The following PRDM10 variants were observed in gnomAD, a reference collection of about 807,000 sequenced individuals.
The protein encoded by PRDM10 is PR domain zinc finger protein 10.
In PRDM10, 65 loss-of-function variants were observed where a neutral mutation model predicts 133.1. The ratio of observed to expected loss-of-function variants is 0.49; its 90% CI spans 0.40 to 0.60. The LOEUF (loss-of-function observed/expected upper bound fraction) is 0.60. Ranked by LOEUF, PRDM10 falls within the 20% of genes least tolerant of loss-of-function variation. The pLI is 0.00. For synonymous variants in PRDM10, 582 were observed against 580.4 expected, an observed-to-expected ratio of 1.00 and a Z score of -0.04; for missense variants, 1,137 against 1,507.1, an observed-to-expected ratio of 0.75 and a Z score of 4.07.
At chr11:129,942,670 T>C (rs1369108533) in intron 6 of PRDM10, 41 bp from the exon 7 acceptor site, 17 of 1,509,378 alleles carry the variant, frequency 1.1e-5, no homozygotes, top group Non-Finnish European at 1.4e-5. Flanking sequence ...AAACAAAACC[T>C]TCAATATGAG....
intron 1 of PRDM10, among the ~76,000 whole-genome samples, chr11:129,977,156 CCAG>C (rs1432190567): frequency 1.3e-5 from 2 of 151,942 alleles, no homozygotes; most frequent in African/African-American, 4.8e-5. Context: ...CTGAGTCCCT[CCAG>C]CAGACAGAGC....
intron 17 of PRDM10, among the ~76,000 whole-genome samples, chr11:129,913,504 C>A (rs1168118771): frequency 2.0e-5 from 3 of 152,112 alleles, no homozygotes; most frequent in Admixed American, 6.6e-5. Flanking sequence ...AATGATCTAC[C>A]CTTTATCAAT....
At chr11:129,988,068 T>C (rs1407541275) in intron 1 of PRDM10, among the ~76,000 whole-genome samples, 1 of 152,178 alleles carries the variant, frequency 6.6e-6, no homozygotes, top group Non-Finnish European at 1.5e-5. Flanking sequence ...GAAAACATTA[T>C]GCTAAGTGAA....
chr11:129,928,291 A>G (rs1275979914), intron 11 of PRDM10, among the ~76,000 whole-genome samples: 2 of 152,104 alleles, frequency 1.3e-5, no homozygotes, highest in East Asian at 1.9e-4. Context: ...CTAAAGTTTG[A>G]TATTAATGGC....
In PRDM10 at chr11:129,947,099, C is replaced by A. The variant is rs755580089; in HGVS notation, c.520+46G>T. The A allele has an allele frequency of 6.2e-7, 1 of 1,602,596 alleles. No individual in the cohort carries two copies. Among genetic ancestry groups the A allele is most frequent in the South Asian group, 1.1e-5 (1 of 89,158 alleles). ...ACACACGCACACGTACACAGACACA[C>A]AAGATGGACACAGCTTCCCTGGGGG... On this transcript the variant is annotated intron_variant, in intron 5 of 20. Coordinates refer to ENST00000360871, the MANE Select transcript of PRDM10 (RefSeq NM_199437.2). This position sits in a 1 kb window ranked among gnomAD's most constrained non-coding sequence, Gnocchi z 4.6.
intron 1 of PRDM10, among the ~76,000 whole-genome samples, chr11:129,994,196 T>A (rs1353861970): frequency 7.4e-6 from 1 of 134,370 alleles, no homozygotes; most frequent in African/African-American, 3.1e-5. Context: ...TGGGGCTGGG[T>A]GCAGTGGCTC....
chr11:129,910,862 C>T (rs1180053446), intron 18 of PRDM10, among the ~76,000 whole-genome samples: 3 of 151,364 alleles, frequency 2.0e-5, no homozygotes, highest in South Asian at 2.1e-4. Context: ...CCGCAACCTC[C>T]GCCTCCTGAG....
At position 129,918,288 on chromosome 11, in the gene PRDM10, A is replaced by T. The variant is rs1011771926; in HGVS notation, c.2214+251T>A. ...ACAAAAGTAGTAATGAAAAGTGATT[A>T]AAAAAAAAAAAAGAAAAAGAAAAAG... On this transcript the variant is annotated intron_variant, in intron 14 of 20. Transcript: ENST00000360871. This position sits in a 1 kb window ranked among gnomAD's most constrained non-coding sequence, Gnocchi z 5.3. Among the ~76,000 whole-genome samples, 13 of 132,300 alleles carry T rather than the reference A, an allele frequency of 9.8e-5. No individual in the cohort carries two copies. Among genetic ancestry groups the T allele is most frequent in the African/African-American group, 3.1e-4 (11 of 35,622 alleles). 86.8% of individuals were successfully genotyped at this position (132,300 alleles called of 152,430 possible).
intron 18 of PRDM10, among the ~76,000 whole-genome samples, chr11:129,911,428 T>A (rs1591576821): frequency 6.6e-6 from 1 of 152,226 alleles, no homozygotes; most frequent in Admixed American, 6.5e-5. Context: ...GATAACAGGA[T>A]GAGGCCAGCG....
intron 2 of PRDM10, 33 bp downstream of exon 2, chr11:129,960,863 C>G: frequency 6.2e-7 from 1 of 1,612,646 alleles, no homozygotes; most frequent in Non-Finnish European, 8.5e-7. Context: ...CTGAAAACCT[C>G]TCAATACCAA....
intron 1 of PRDM10, among the ~76,000 whole-genome samples, chr11:129,965,884 C>T (rs1457079542): frequency 6.6e-6 from 1 of 152,132 alleles, no homozygotes; most frequent in Non-Finnish European, 1.5e-5. Context: ...GCTCCCAAAT[C>T]TTCCATGTAC....
At position 129,923,081 on chromosome 11, in the gene PRDM10, T is replaced by G. The variant is rs1950562688; in HGVS notation, c.2034+167A>C. Among the ~76,000 whole-genome samples the G allele has an allele frequency of 6.6e-6, 1 of 152,204 alleles. No homozygotes were observed. The highest frequency in any genetic ancestry group is 2.4e-5 in the African/African-American group (1 of 41,458). On this transcript the variant is annotated intron_variant, in intron 13 of 20. Transcript: ENST00000360871. This position sits in a 1 kb window ranked among gnomAD's most constrained non-coding sequence, Gnocchi z 4.4. ...CTATTTTGAGGAAATGAGTAAGTTT[T>G]CCCCCTTAATTTTATAACTAAGTCA...
chr11:129,940,809 T>G (rs900832819), intron 7 of PRDM10, among the ~76,000 whole-genome samples: 7 of 152,376 alleles, frequency 4.6e-5, no homozygotes, highest in African/African-American at 1.7e-4. Context: ...TTTTGAAAGT[T>G]GAACCTTTTA....
At chr11:129,948,852 C>A (rs77507819) in intron 4 of PRDM10, among the ~76,000 whole-genome samples, 1 of 152,252 alleles carries the variant, frequency 6.6e-6, no homozygotes, top group Non-Finnish European at 1.5e-5. Context: ...ACGTTGGCCA[C>A]GTTGCTCTAC....
At chr11:129,972,378 A>G (rs1591679171) in intron 1 of PRDM10, among the ~76,000 whole-genome samples, 1 of 152,234 alleles carries the variant, frequency 6.6e-6, no homozygotes, top group Non-Finnish European at 1.5e-5. Context: ...GCACGCTGTC[A>G]CCTCTCAAAA....
In PRDM10 at chr11:129,918,353, G is replaced by A. The variant is rs1258299234; in HGVS notation, c.2214+186C>T. Among the ~76,000 whole-genome samples the A allele has an allele frequency of 6.6e-6, 1 of 151,910 alleles. No individual in the cohort carries two copies. Among genetic ancestry groups the A allele is most frequent in the Non-Finnish European group, 1.5e-5 (1 of 67,994 alleles). On this transcript the variant is annotated intron_variant, in intron 14 of 20. Coordinates refer to ENST00000360871, the MANE Select transcript of PRDM10 (RefSeq NM_199437.2). The surrounding 1 kb of genome is among the most constrained non-coding windows in gnomAD (Gnocchi z 5.3). ...TTGATCCAAAAAGCAGCAAGAGAGA[G>A]CAAAGGGAGACTAGAAAAGACAGAA...
At chr11:129,906,289 T>C (rs1022085946) in intron 19 of PRDM10, among the ~76,000 whole-genome samples, 1 of 152,118 alleles carries the variant, frequency 6.6e-6, no homozygotes, top group Non-Finnish European at 1.5e-5. Flanking sequence ...TGTGAGACAG[T>C]TGTGGGGCAT....
chr11:129,914,480 T>C, intron 17 of PRDM10: 1 of 648,360 alleles, frequency 1.5e-6, no homozygotes, highest in Non-Finnish European at 2.7e-6. Flanking sequence ...GGCTTGTATA[T>C]GCTGGAACCT....
chr11:129,954,964 C>T (rs1292470252), intron 4 of PRDM10, among the ~76,000 whole-genome samples: 1 of 152,154 alleles, frequency 6.6e-6, no homozygotes, highest in Non-Finnish European at 1.5e-5. Context: ...CAGCTGCTTC[C>T]ACACCTTCTT....
Sources: gnomAD v4.1 joint callset for allele counts (sites outside exome capture counted in the v4.1 genomes callset) on GRCh38, gnomAD v4.1.1 for gene constraint, Gnocchi (gnomAD v3.1) non-coding constraint, MANE v1.5 for transcripts, NCBI Gene and HGNC (gene_info 2026-07-23, HGNC 2026-07-21) for gene names.